CECR2: variants seen among roughly 807,000 people sequenced by gnomAD.
CECR2 encodes chromatin remodeling regulator CECR2.
In CECR2, 30 loss-of-function variants were observed where a neutral mutation model predicts 154.5. The observed-to-expected ratio is 0.19, with a 90% CI of 0.15 to 0.26. The LOEUF (loss-of-function observed/expected upper bound fraction) is 0.26, where lower values mean the gene tolerates loss of function less well. Ranked by LOEUF, CECR2 falls within the 10% of genes least tolerant of loss-of-function variation. The probability of loss-of-function intolerance (pLI) is 1.00; values close to 1 mark genes in which losing one functional copy is unlikely to be tolerated. For synonymous variants in CECR2, 725 were observed against 683.7 expected, an observed-to-expected ratio of 1.06 and a Z score of -0.94; for missense variants, 1,743 against 1,829.3, an observed-to-expected ratio of 0.95 and a Z score of 0.86.
At chr22:17,545,045 T>C (rs917277291) in intron 16 of CECR2, among the ~76,000 whole-genome samples, 4 of 151,724 alleles carry the variant, frequency 2.6e-5, no homozygotes, top group African/African-American at 9.7e-5. Context: ...GAATGGCCAA[T>C]AGTGAGATCT....
At chr22:17,446,417 C>G (rs1449226552) in intron 1 of CECR2, among the ~76,000 whole-genome samples, 1 of 152,118 alleles carries the variant, frequency 6.6e-6, no homozygotes, top group Non-Finnish European at 1.5e-5. Context: ...TGTTACAGCT[C>G]TTAAAGGTGG....
chr22:17,482,238 C>A (rs1406537447), intron 2 of CECR2, among the ~76,000 whole-genome samples: 1 of 149,598 alleles, frequency 6.7e-6, no homozygotes, highest in African/African-American at 2.5e-5. Flanking sequence ...TCCTGGCTAA[C>A]ATGGTGAAAC....
rs1173379772 is a variant in CECR2 at position 17,477,690 on chromosome 22, AT to A, written c.221+10del. 1 of 1,582,622 alleles carries A rather than the reference AT, an allele frequency of 6.3e-7. No individual in the cohort carries two copies. Among genetic ancestry groups the A allele is most frequent in the Admixed American group, 1.7e-5 (1 of 59,982 alleles). ...TCAACGAAGAGATATCACGTGAGTA[AT>A]TCTGATCTTTCTAAGCATTTCTTGC... is the stretch of plus-strand genomic sequence containing the variant. On this transcript the variant is annotated intron_variant, in intron 2 of 18. Transcript: ENST00000262608.
intron 1 of CECR2, among the ~76,000 whole-genome samples, chr22:17,385,777 G>A (rs749187137): frequency 1.3e-5 from 2 of 152,192 alleles, no homozygotes; most frequent in African/African-American, 2.4e-5. Flanking sequence ...ATATCTGCAC[G>A]TTCAGTAAAG....
At chr22:17,387,075 T>G (rs1238688626) in intron 1 of CECR2, among the ~76,000 whole-genome samples, 1 of 152,228 alleles carries the variant, frequency 6.6e-6, no homozygotes, top group Non-Finnish European at 1.5e-5. Flanking sequence ...CTACTAAATG[T>G]TACTTTGTGA....
At chr22:17,516,417 G>T (rs547075724) in intron 8 of CECR2, among the ~76,000 whole-genome samples, 1 of 152,030 alleles carries the variant, frequency 6.6e-6, no homozygotes, top group Non-Finnish European at 1.5e-5. Context: ...AGCATATTAC[G>T]ATAAATCCCT....
At chr22:17,449,654 TA>T (rs2054736615) in intron 1 of CECR2, among the ~76,000 whole-genome samples, 1 of 151,724 alleles carries the variant, frequency 6.6e-6, no homozygotes, top group African/African-American at 2.4e-5. Context: ...CACGCCCGGC[TA>T]ATTTTTTGTA....
intron 1 of CECR2, among the ~76,000 whole-genome samples, chr22:17,451,975 G>A (rs2054778306): frequency 6.6e-6 from 1 of 152,234 alleles, no homozygotes; most frequent in African/African-American, 2.4e-5. Context: ...CAGTGGGCCT[G>A]ATGTAAGTCA....
intron 9 of CECR2, among the ~76,000 whole-genome samples, chr22:17,529,967 C>G (rs1024824395): frequency 2.0e-5 from 3 of 152,100 alleles, no homozygotes; most frequent in Non-Finnish European, 2.9e-5. Context: ...TTCAGAGAAA[C>G]AAGCTTTGTG....
chr22:17,426,147 A>G (rs1032700009), intron 1 of CECR2, among the ~76,000 whole-genome samples: 5 of 152,212 alleles, frequency 3.3e-5, no homozygotes, highest in Non-Finnish European at 7.3e-5. Context: ...CATTTCATCC[A>G]TGAATGTATC....
intron 2 of CECR2, among the ~76,000 whole-genome samples, chr22:17,481,652 C>G (rs2055320820): frequency 6.6e-6 from 1 of 152,154 alleles, no homozygotes; most frequent in Admixed American, 6.5e-5. Context: ...TCATTTTGTT[C>G]AGTGGCAGAC....
chr22:17,366,277 C>T (rs553191150), upstream of CECR2, among the ~76,000 whole-genome samples: 61 of 152,312 alleles, frequency 4.0e-4, no homozygotes, highest in Admixed American at 1.0e-3. Context: ...CAACCTCTGC[C>T]TCCCGGGTTC....
chr22:17,475,675 A>G (rs2146787186), intron 1 of CECR2, among the ~76,000 whole-genome samples: 1 of 152,212 alleles, frequency 6.6e-6, no homozygotes, highest in South Asian at 2.1e-4. Flanking sequence ...TGACTTACCT[A>G]TCAAATGAGA....
chr22:17,433,808 G>A (rs2054462871), intron 1 of CECR2, among the ~76,000 whole-genome samples: 1 of 152,148 alleles, frequency 6.6e-6, no homozygotes, highest in Admixed American at 6.5e-5. Flanking sequence ...TCAAGGAGGA[G>A]CTATTGCTGA....
At chr22:17,412,931 A>G (rs1353813309) in intron 1 of CECR2, among the ~76,000 whole-genome samples, 1 of 152,126 alleles carries the variant, frequency 6.6e-6, no homozygotes, top group East Asian at 1.9e-4. Context: ...TTTTGCGGCT[A>G]GGCTGCAGTC....
intron 1 of CECR2, among the ~76,000 whole-genome samples, chr22:17,413,663 G>GATTATTATTATTATTATTATT (rs111990077): frequency 2.2e-4 from 33 of 150,732 alleles, no homozygotes; most frequent in African/African-American, 7.8e-4. Context: ...TTGGAAGGAG[G>GATTATTATTATTATTATTATT]ATTATTATTA....
intron 2 of CECR2, among the ~76,000 whole-genome samples, chr22:17,491,093 T>C (rs749431619): frequency 6.6e-6 from 1 of 152,250 alleles, no homozygotes; most frequent in Non-Finnish European, 1.5e-5. Flanking sequence ...CTTCATTGTG[T>C]GGATACACAC....
chr22:17,462,729 G>A (rs2054962134), intron 1 of CECR2, among the ~76,000 whole-genome samples: 1 of 152,018 alleles, frequency 6.6e-6, no homozygotes, highest in South Asian at 2.1e-4. Context: ...GCCTGGCCAA[G>A]ATGGTGAAAC....
At chr22:17,475,513 C>CAA (rs2055194484) in intron 1 of CECR2, among the ~76,000 whole-genome samples, 1 of 152,048 alleles carries the variant, frequency 6.6e-6, no homozygotes, top group Non-Finnish European at 1.5e-5. Flanking sequence ...AGGCTGGTCT[C>CAA]AAACTCCTGG....
Sources: gnomAD v4.1 joint callset for allele counts (sites outside exome capture counted in the v4.1 genomes callset) on GRCh38, gnomAD v4.1.1 for gene constraint, MANE v1.5 for transcripts, NCBI Gene and HGNC (gene_info 2026-07-23, HGNC 2026-07-21) for gene names.